Variants in CAMTA2 observed in about 807,000 individuals in gnomAD.
The protein encoded by CAMTA2 is calmodulin-binding transcription activator 2.
A neutral mutation model predicts 135.7 loss-of-function variants in CAMTA2; 56 were observed. The ratio of observed to expected loss-of-function variants is 0.41; its 90% CI spans 0.33 to 0.52. The LOEUF (loss-of-function observed/expected upper bound fraction) is 0.52. Among genes scored for constraint, CAMTA2 ranks in the 20% least tolerant of loss-of-function variants. The probability of loss-of-function intolerance (pLI) is 0.16; values close to 1 mark genes in which losing one functional copy is unlikely to be tolerated. For missense variants in CAMTA2, 1,358 were observed against 1,553.4 expected (o/e 0.87, Z 2.11); for synonymous variants, 591 against 604.6 (o/e 0.98, Z 0.33).
chr17:4,980,131 G>T lies in CAMTA2; in HGVS notation c.1191C>A (p.Ser397Arg), dbSNP rs754509101. 77 of 1,600,458 alleles carry T rather than the reference G, an allele frequency of 4.8e-5. No individual in the cohort carries two copies. Among genetic ancestry groups the T allele is most frequent in the Non-Finnish European group, 4.3e-6 (5 of 1,172,488 alleles). ...GQTYGGGQGV[S>R]PDFPEAEAAH... Reference sequence around the variant, plus strand: ...CGGCCTCTGCCTCGGGGAAGTCTGGGCTTACTCCCTGCCCCCCTCCATATG... The same window carrying T: ...CGGCCTCTGCCTCGGGGAAGTCTGGTCTTACTCCCTGCCCCCCTCCATATG... Residue 397 changes from serine to arginine, a missense_variant, in exon 9 of 23, where the codon AGC becomes AGA. Coordinates refer to ENST00000348066, the MANE Select transcript of CAMTA2 (RefSeq NM_015099.4). This position sits in a 1 kb window ranked among gnomAD's most constrained non-coding sequence, Gnocchi z 5.3.
Position 4,986,176 on chromosome 17 carries a change from TG to T in CAMTA2, c.31+15del. 6.6e-7 allele frequency: 1 copy of T among 1,509,498 alleles called. No individual in the cohort carries two copies. The highest frequency in any genetic ancestry group is 9.2e-7 in the Non-Finnish European group (1 of 1,084,518). 93.5% of individuals were successfully genotyped at this position (1,509,498 alleles called of 1,614,324 possible). A position where few individuals can be genotyped will look rare whatever the true frequency, so the allele number is the denominator to read the frequency against. Reference sequence around the variant, plus strand: ...AAAGGCTGTGGCCACATTGGGAACCTGGTTTGTGAACTTACCAGCAACCTCG... The same window carrying T: ...AAAGGCTGTGGCCACATTGGGAACCTGTTTGTGAACTTACCAGCAACCTCG... On this transcript the variant is annotated intron_variant, in intron 2 of 22. Transcript: ENST00000348066.
chr17:4,973,604 C>T lies in CAMTA2; in HGVS notation c.2182G>A (p.Glu728Lys), dbSNP rs140987044. 17 of 1,613,070 alleles carry T rather than the reference C, an allele frequency of 1.1e-5. No homozygotes were observed. The African/African-American group carries it at 1.7e-4, about 16-fold the overall frequency. Residue 728 changes from glutamate to lysine, a missense_variant, in exon 13 of 23, where the codon GAG (glutamate) becomes AAG (lysine). Physicochemically the swap from Glu to Lys is moderately conservative, Grantham distance 56. Coordinates refer to ENST00000348066, the MANE Select transcript of CAMTA2 (RefSeq NM_015099.4). Reference sequence around the variant, plus strand: ...GCTCACCGCCACTGGCTCAGGGTCTCGATGAGGCGGGCATAGCCCTGGGCA... The same window carrying T: ...GCTCACCGCCACTGGCTCAGGGTCTTGATGAGGCGGGCATAGCCCTGGGCA... ...AAAQGYARLI[E>K]TLSQWRSVET...
chr17:4,976,057 G>A lies in CAMTA2; in HGVS notation c.1900+1001C>T, dbSNP rs1016597288. ...GTCTCGCTCTGTCGCCCAGGCTGGA[G>A]TGCAGTGGCACAATCTTGGCTCATT... On this transcript the variant is annotated intron_variant, in intron 11 of 22. Transcript: ENST00000348066. Among the ~76,000 whole-genome samples the A allele has an allele frequency of 2.6e-5, 4 of 152,284 alleles. No homozygotes were observed. In the South Asian group the frequency reaches 8.3e-4, roughly 32 times the overall value.
In CAMTA2 at chr17:4,981,348, T is replaced by G. The variant is rs1231390989; in HGVS notation, c.577A>C (p.Lys193Gln). The change falls in exon 8 of 23, where the codon AAG becomes CAG. Residue 193 changes from lysine to glutamine, a missense_variant. Coordinates refer to ENST00000348066, the MANE Select transcript of CAMTA2 (RefSeq NM_015099.4). ...TCTGTTCCATTCCCGCAGCTCCACTTGATGCCATGAACTAGAGAAGTTAGG... is the reference window on the plus strand; with the variant it reads ...TCTGTTCCATTCCCGCAGCTCCACTGGATGCCATGAACTAGAGAAGTTAGG... ...GQLKPMFHGI[K>Q]WSCGNGTEEF... 1 of 1,614,034 alleles carries G rather than the reference T, an allele frequency of 6.2e-7. No individual in the cohort carries two copies. The highest frequency in any genetic ancestry group is 8.5e-7 in the Non-Finnish European group (1 of 1,179,920).
intron 10 of CAMTA2, among the ~76,000 whole-genome samples, chr17:4,977,721 G>T (rs933700484): frequency 1.3e-5 from 2 of 152,194 alleles, no homozygotes; most frequent in Non-Finnish European, 2.9e-5. Flanking sequence ...TGTAGAGACT[G>T]GGGGAGAACA....
Position 4,969,374 on chromosome 17 carries a change from G to C in CAMTA2, c.3283-37C>G. On this transcript the variant is annotated intron_variant, in intron 20 of 22. Transcript: ENST00000348066. This position sits in a 1 kb window ranked among gnomAD's most constrained non-coding sequence, Gnocchi z 5.6. Reference sequence around the variant, plus strand: ...GGGAGGAGGGACAGGGGCTGAAATAGAGGGACGGAGACCCAAAGCCCTGAG... The same window carrying C: ...GGGAGGAGGGACAGGGGCTGAAATACAGGGACGGAGACCCAAAGCCCTGAG... 6.2e-7 allele frequency: 1 copy of C among 1,611,394 alleles called. No individual in the cohort carries two copies. The highest frequency in any genetic ancestry group is 8.5e-7 in the Non-Finnish European group (1 of 1,177,560).
Position 4,980,732 on chromosome 17 carries a change from G to T in CAMTA2, c.701-111C>A. ...TGGGACGTCCCTATAAACCAGAGGT[G>T]TAATACTGATTGTAGCCACTGGGAG... On this transcript the variant is annotated intron_variant, in intron 8 of 22. Coordinates refer to ENST00000348066, the MANE Select transcript of CAMTA2 (RefSeq NM_015099.4). The surrounding 1 kb of genome is among the most constrained non-coding windows in gnomAD (Gnocchi z 5.3). The T allele has an allele frequency of 1.2e-6, 1 of 802,596 alleles. No homozygotes were observed. Among genetic ancestry groups the T allele is most frequent in the Non-Finnish European group, 2.1e-6 (1 of 479,004 alleles). The allele number at this position is 802,596 out of a possible 1,614,324, so 49.7% of individuals were successfully genotyped here.
chr17:4,987,325 C>CA (rs1161403242), intron 1 of CAMTA2: 1 of 1,344,318 alleles, frequency 7.4e-7, no homozygotes, highest in Non-Finnish European at 9.5e-7. Flanking sequence ...AAGCCGGGAG[C>CA]AGAGTCCGCG....
At position 4,972,826 on chromosome 17, in the gene CAMTA2, C is replaced by T. The variant is rs752537297; in HGVS notation, c.2446G>A (p.Glu816Lys). ...GCAAATGGGGGCTCCACCGAAGGCT[C>T]CTGTCTCTGTAGTTCCTCAAGGCAG... is the stretch of plus-strand genomic sequence containing the variant. The part of the protein sequence containing the change: ...ARCLEELQRQ[E>K]PSVEPPFALS... The change falls in exon 15 of 23, where the codon GAG becomes AAG. Residue 816 changes from glutamate (E) to lysine (K), a missense_variant. Around this residue, in one of 4 missense-constraint regions of CAMTA2, gnomAD observed 1,077 missense variants for 1,127.5 expected, o/e 0.96. Transcript: ENST00000348066. 3 of 1,613,672 alleles carry T rather than the reference C, an allele frequency of 1.9e-6. No homozygotes were observed. Among genetic ancestry groups the T allele is most frequent in the Admixed American group, 3.3e-5 (2 of 60,036 alleles).
chr17:4,987,581 C>A lies in CAMTA2; in HGVS notation c.-65+12G>T. 1 of 1,524,122 alleles carries A rather than the reference C, an allele frequency of 6.6e-7. No individual in the cohort carries two copies. Among genetic ancestry groups the A allele is most frequent in the Non-Finnish European group, 8.8e-7 (1 of 1,141,408 alleles). The allele number at this position is 1,524,122 out of a possible 1,614,324, so 94.4% of individuals were successfully genotyped here. On this transcript the variant is annotated intron_variant, in intron 1 of 22. Transcript: ENST00000348066. ...GGGGGCGGAGAGGCGGGCGAGAGGC[C>A]CTGGCTCTTACCTCCCGGGGTCCCG...
At chr17:4,973,954 T>G (rs1972460647) in intron 12 of CAMTA2, 185 bp from the exon 13 acceptor site, 1 of 588,898 alleles carries the variant, frequency 1.7e-6, no homozygotes, top group East Asian at 2.9e-5. Context: ...AGCCACTTCC[T>G]CCAGCAGCCA....
intron 12 of CAMTA2, 51 bp from the exon 13 acceptor site, chr17:4,973,820 T>G (rs759693518): frequency 1.3e-6 from 2 of 1,513,592 alleles, no homozygotes; most frequent in Non-Finnish European, 1.8e-6. Context: ...CTCCCCTGGC[T>G]TGAGGTGGCC....
chr17:4,979,647 TAGG>T (rs1567693926), intron 9 of CAMTA2, 34 bp downstream of exon 9: 2 of 1,435,812 alleles, frequency 1.4e-6, no homozygotes, highest in Admixed American at 1.8e-5. Flanking sequence ...AGAAGACAAA[TAGG>T]AGGGAGGAGG....
Position 4,968,594 on chromosome 17 carries a change from G to C in CAMTA2, c.*162C>G. ...ACGACCAGGAGGGACGAGGAGAGGGGTGTGGGAGCAAGGCGTGGGGAGGAG... is the reference window on the plus strand; with the variant it reads ...ACGACCAGGAGGGACGAGGAGAGGGCTGTGGGAGCAAGGCGTGGGGAGGAG... On this transcript the variant is annotated 3_prime_UTR_variant, in exon 23 of 23. Transcript: ENST00000348066. 1.4e-6 allele frequency: 1 copy of C among 716,684 alleles called. No individual in the cohort carries two copies. The highest frequency in any genetic ancestry group is 1.6e-5 in the South Asian group (1 of 60,652). 44.4% of individuals were successfully genotyped at this position (716,684 alleles called of 1,614,324 possible).
In CAMTA2 at chr17:4,982,763, G is replaced by T; in HGVS notation, c.333C>A (p.Gly111=). 6.2e-7 allele frequency: 1 copy of T among 1,614,020 alleles called. No individual in the cohort carries two copies. Among genetic ancestry groups the T allele is most frequent in the Non-Finnish European group, 8.5e-7 (1 of 1,179,910 alleles). The change falls in exon 5 of 23, where the codon GGC becomes GGA. Residue 111 remains glycine (G), a synonymous_variant. Coordinates refer to ENST00000348066, the MANE Select transcript of CAMTA2 (RefSeq NM_015099.4). ...GAATATCTGACTCTCTTACCTCCATGCCCTGGACCTTCAGCTTCATGTGGT... is the reference window on the plus strand; with the variant it reads ...GAATATCTGACTCTCTTACCTCCATTCCCTGGACCTTCAGCTTCATGTGGT... The part of the protein sequence containing the change: ...REDHMKLKVQ[G]MECLYGCYVH...
At chr17:4,976,028 CG>C (rs1972594402) in intron 11 of CAMTA2, among the ~76,000 whole-genome samples, 1 of 151,918 alleles carries the variant, frequency 6.6e-6, no homozygotes, top group African/African-American at 2.4e-5. Context: ...TTTTTTGAGA[CG>C]GAGTCTCGCT....
chr17:4,983,287 T>C, intron 3 of CAMTA2: 1 of 424,902 alleles, frequency 2.4e-6, no homozygotes, highest in Non-Finnish European at 4.3e-6. Flanking sequence ...CTGTGCCCCT[T>C]TTTTTTTCTT....
At chr17:4,972,593 A>G in intron 15 of CAMTA2, 57 bp from the exon 16 acceptor site, 5 of 1,549,108 alleles carry the variant, frequency 3.2e-6, no homozygotes, top group Non-Finnish European at 3.5e-6. Flanking sequence ...CCCTCGCTCA[A>G]GTCTCCTGCC....
rs1972152199 is a variant in CAMTA2 at position 4,969,807 on chromosome 17, C to T, written c.3189+95G>A. On this transcript the variant is annotated intron_variant, in intron 18 of 22. Coordinates refer to ENST00000348066, the MANE Select transcript of CAMTA2 (RefSeq NM_015099.4). The surrounding 1 kb of genome is among the most constrained non-coding windows in gnomAD (Gnocchi z 5.6). ...CCTGACCCTTTACCCCATCCAAGGC[C>T]TGTCTGCACGACTACTCATCCTCCA... 2 of 1,589,756 alleles carry T rather than the reference C, an allele frequency of 1.3e-6. No individual in the cohort carries two copies. The highest frequency in any genetic ancestry group is 2.7e-5 in the African/African-American group (2 of 74,458).
Sources: gnomAD v4.1 joint callset for allele counts (sites outside exome capture counted in the v4.1 genomes callset) on GRCh38, gnomAD v4.1.1 for gene constraint, gnomAD v4.1.1 regional missense constraint, Gnocchi (gnomAD v3.1) non-coding constraint, MANE v1.5 for transcripts, NCBI Gene and HGNC (gene_info 2026-07-23, HGNC 2026-07-21) for gene names.